Variants in SLC16A14 observed in about 807,000 individuals in gnomAD.
SLC16A14 encodes the protein solute carrier family 16 member 14.
Under a neutral mutation model 35.8 loss-of-function variants are expected in SLC16A14, and 14 were observed. That is an observed-to-expected ratio of 0.39 (90% CI 0.26 to 0.61). The LOEUF (loss-of-function observed/expected upper bound fraction) is 0.61. Among genes scored for constraint, SLC16A14 ranks in the 20% least tolerant of loss-of-function variants. The pLI, the probability that SLC16A14 is intolerant of heterozygous loss-of-function variation, is 0.51. For synonymous variants in SLC16A14, 248 were observed against 258.9 expected (o/e 0.96, Z 0.40); for missense variants, 533 against 655.0 (o/e 0.81, Z 2.03).
intron 3 of SLC16A14, among the ~76,000 whole-genome samples, chr2:230,048,601 T>C (rs1302269082): frequency 6.6e-6 from 1 of 152,202 alleles, no homozygotes; most frequent in Non-Finnish European, 1.5e-5. Context: ...TTTATGCTAT[T>C]TTATGAATTT....
Position 230,062,590 on chromosome 2 carries a change from A to G in SLC16A14, c.-14-3224T>C, listed in dbSNP as rs541186073. On this transcript the variant is annotated intron_variant, in intron 1 of 4. Coordinates refer to ENST00000295190, the MANE Select transcript of SLC16A14 (RefSeq NM_152527.5). ...TCTCAAGCAAGCCTCCTGCTTTGCA[A>G]TCCCAAAGTGCTGGGATTACTTTAT... Among the ~76,000 whole-genome samples, 5 of 152,068 alleles carry G rather than the reference A, an allele frequency of 3.3e-5. No homozygotes were observed. In the South Asian group the frequency reaches 8.3e-4, roughly 25 times the overall value.
chr2:230,065,211 C>T (rs2077783848), intron 1 of SLC16A14, among the ~76,000 whole-genome samples: 1 of 151,968 alleles, frequency 6.6e-6, no homozygotes, highest in Non-Finnish European at 1.5e-5. Context: ...ATTTAATGGA[C>T]AAATTTTATT....
chr2:230,052,182 G>A (rs1305270459), intron 2 of SLC16A14, among the ~76,000 whole-genome samples: 7 of 152,088 alleles, frequency 4.6e-5, no homozygotes, highest in South Asian at 2.1e-4. Flanking sequence ...TGATCCGCCC[G>A]TCTCGGCCTC....
chr2:230,063,903 C>T (rs187305177), intron 1 of SLC16A14, among the ~76,000 whole-genome samples: 50 of 152,078 alleles, frequency 3.3e-4, no homozygotes, highest in Non-Finnish European at 5.3e-4. Flanking sequence ...GAGTTTAAGA[C>T]CAGCCTGGAC....
At chr2:230,051,366 G>A (rs563609942) in intron 2 of SLC16A14, among the ~76,000 whole-genome samples, 1 of 152,276 alleles carries the variant, frequency 6.6e-6, no homozygotes, top group South Asian at 2.1e-4. Context: ...TCGCCGTGTT[G>A]TTCAGGCTGG....
chr2:230,037,619 C>T, intron 4 of SLC16A14, 88 bp from the exon 5 acceptor site: 1 of 1,011,390 alleles, frequency 9.9e-7, no homozygotes, highest in South Asian at 1.9e-5. Flanking sequence ...TGCTGCTGTA[C>T]ATGTTTCTAC....
Position 230,035,691 on chromosome 2 carries a change from C to T in SLC16A14, c.*1689G>A, listed in dbSNP as rs2077514363. On this transcript the variant is annotated 3_prime_UTR_variant, in exon 5 of 5. Transcript: ENST00000295190. ...GCAATCTATTGTCTATAATAATTTA[C>T]AGGCAATTCCCGAGTCATTGGAGGT... The T allele has an allele frequency of 6.6e-6, 1 of 152,160 alleles. No individual in the cohort carries two copies. Among genetic ancestry groups the T allele is most frequent in the African/African-American group, 2.4e-5 (1 of 41,454 alleles). 9.4% of individuals were successfully genotyped at this position (152,160 alleles called of 1,614,324 possible).
chr2:230,059,324 T>C lies in SLC16A14; in HGVS notation c.29A>G (p.Tyr10Cys). The C allele has an allele frequency of 6.2e-7, 1 of 1,608,616 alleles. No homozygotes were observed. Residue 10 changes from tyrosine (Y) to cysteine (C), a missense_variant, in exon 2 of 5, where the codon TAT becomes TGT. Coordinates refer to ENST00000295190, the MANE Select transcript of SLC16A14 (RefSeq NM_152527.5). MYTSHEDIG[Y>C]DFEDGPKDKK... ...GTCTTTGGGGCCATCTTCAAAATCA[T>C]ACCCAATATCTTCATGACTGGTATA...
intron 1 of SLC16A14, among the ~76,000 whole-genome samples, chr2:230,060,413 A>G (rs1471897895): frequency 6.6e-6 from 1 of 152,108 alleles, no homozygotes; most frequent in African/African-American, 2.4e-5. Context: ...GTGTGATCAT[A>G]GCTCACTGCA....
At position 230,038,699 on chromosome 2, in the gene SLC16A14, G is replaced by A. The variant is rs1303313181; in HGVS notation, c.1382-1168C>T. ...GCGGGCAGATCACATGAAGCCAGGA[G>A]TTCGAGACCAGCCTGGCCAACATGG... On this transcript the variant is annotated intron_variant, in intron 4 of 4. Transcript: ENST00000295190. The surrounding 1 kb of genome is among the most constrained non-coding windows in gnomAD (Gnocchi z 4.4). Among the ~76,000 whole-genome samples the A allele has an allele frequency of 6.6e-6, 1 of 152,140 alleles. No individual in the cohort carries two copies. The highest frequency in any genetic ancestry group is 2.4e-5 in the African/African-American group (1 of 41,426).
In SLC16A14 at chr2:230,035,108, A is replaced by AAT. The variant is rs1189042039; in HGVS notation, c.*2270_*2271dup. ...TTTATAATATCTTCAAACAACGGCA[A>AAT]ATAACATAAACAGGAAATATTTGCA... is the stretch of plus-strand genomic sequence containing the variant. On this transcript the variant is annotated 3_prime_UTR_variant, in exon 5 of 5. Transcript: ENST00000295190. 1.3e-5 allele frequency: 2 copies of AAT among 152,238 alleles called. No individual in the cohort carries two copies. Among genetic ancestry groups the AAT allele is most frequent in the African/African-American group, 4.8e-5 (2 of 41,466 alleles). The allele number at this position is 152,238 out of a possible 1,614,324, so 9.4% of individuals were successfully genotyped here. A position where few individuals can be genotyped will look rare whatever the true frequency, so the allele number is the denominator to read the frequency against.
intron 4 of SLC16A14, among the ~76,000 whole-genome samples, chr2:230,041,421 C>A (rs1334973953): frequency 6.6e-6 from 1 of 152,132 alleles, no homozygotes; most frequent in Non-Finnish European, 1.5e-5. Context: ...GATCTCAGCT[C>A]ACTGTAACCT....
At chr2:230,039,762 T>G (rs932709394) in intron 4 of SLC16A14, among the ~76,000 whole-genome samples, 1 of 152,178 alleles carries the variant, frequency 6.6e-6, no homozygotes, top group South Asian at 2.1e-4. Context: ...AGAGCAGAAA[T>G]GATGGCTGTA....
chr2:230,046,847 A>G lies in SLC16A14; in HGVS notation c.404-125T>C. On this transcript the variant is annotated intron_variant, in intron 3 of 4. Transcript: ENST00000295190. The surrounding 1 kb of genome is among the most constrained non-coding windows in gnomAD (Gnocchi z 5.0). ...TATTTATGCTTTTTATTTCTAACAA[A>G]GCAATAACACTGATTATTTAAAAAG... is the stretch of plus-strand genomic sequence containing the variant. 1 of 1,147,882 alleles carries G rather than the reference A, an allele frequency of 8.7e-7. No homozygotes were observed. Among genetic ancestry groups the G allele is most frequent in the South Asian group, 1.7e-5 (1 of 60,264 alleles). 71.1% of individuals were successfully genotyped at this position (1,147,882 alleles called of 1,614,324 possible).
intron 4 of SLC16A14, among the ~76,000 whole-genome samples, chr2:230,041,422 A>C (rs184026418): frequency 1.9e-4 from 29 of 152,242 alleles, no homozygotes; most frequent in Admixed American, 1.2e-3. Flanking sequence ...ATCTCAGCTC[A>C]CTGTAACCTC....
rs770197251 is a variant in SLC16A14 at position 230,059,303 on chromosome 2, T to C, written c.50A>G (p.Lys17Arg). 10 of 1,611,706 alleles carry C rather than the reference T, an allele frequency of 6.2e-6. No homozygotes were observed. The Admixed American group carries it at 1.7e-4, about 27-fold the overall frequency. The change falls in exon 2 of 5, where the codon AAA becomes AGA. Residue 17 changes from lysine to arginine, a missense_variant. By Grantham distance (26) the Lys-to-Arg change is conservative (BLOSUM62 2). Coordinates refer to ENST00000295190, the MANE Select transcript of SLC16A14 (RefSeq NM_152527.5). ...DIGYDFEDGP[K>R]DKKTLKPHPN... ...GTGGGGCTTCAGTGTCTTTTTGTCT[T>C]TGGGGCCATCTTCAAAATCATACCC...
intron 2 of SLC16A14, among the ~76,000 whole-genome samples, 185 bp from the exon 3 acceptor site, chr2:230,050,089 A>C (rs1285651724): frequency 6.6e-6 from 1 of 152,260 alleles, no homozygotes; most frequent in Non-Finnish European, 1.5e-5. Flanking sequence ...ATTTCATCAG[A>C]GAGCACAAGG....
chr2:230,042,386 G>A (rs2077567940), intron 4 of SLC16A14, among the ~76,000 whole-genome samples: 1 of 152,304 alleles, frequency 6.6e-6, no homozygotes, highest in South Asian at 2.1e-4. Flanking sequence ...AAGGGATAAG[G>A]AAACTATCCT....
In SLC16A14 at chr2:230,066,480, T is replaced by C. The variant is rs2077796179; in HGVS notation, c.-15+2075A>G. Among the ~76,000 whole-genome samples the C allele has an allele frequency of 2.0e-5, 3 of 152,156 alleles. No homozygotes were observed. In the South Asian group the frequency reaches 6.2e-4, roughly 32 times the overall value. ...TTCATAGACGATGAAAAAGAAATTGTAAATGGGGGGTAACATATATAGGCT... is the reference window on the plus strand; with the variant it reads ...TTCATAGACGATGAAAAAGAAATTGCAAATGGGGGGTAACATATATAGGCT... On this transcript the variant is annotated intron_variant, in intron 1 of 4. Transcript: ENST00000295190.
Sources: allele counts gnomAD v4.1 joint callset (sites outside exome capture counted in the v4.1 genomes callset), GRCh38; gene constraint gnomAD v4.1.1; non-coding constraint Gnocchi (gnomAD v3.1); transcripts MANE v1.5; gene names NCBI Gene and HGNC (gene_info 2026-07-23, HGNC 2026-07-21).